The following SCN1A variants were observed in gnomAD, a reference collection of about 807,000 sequenced individuals.
SCN1A encodes sodium voltage-gated channel alpha subunit 1.
In SCN1A, 13 loss-of-function variants were observed where a neutral mutation model predicts 193.7. The observed-to-expected ratio is 0.07, with a 90% CI of 0.04 to 0.11. SCN1A has a LOEUF of 0.11. Among genes scored for constraint, SCN1A ranks in the 10% least tolerant of loss-of-function variants. The pLI is 1.00. For synonymous variants in SCN1A, 781 were observed against 843.6 expected (o/e 0.93, Z 1.29); for missense variants, 1,432 against 2,451.1 (o/e 0.58, Z 8.78).
chr2:166,017,378 C>T (rs751022467), intron 19 of SCN1A, among the ~76,000 whole-genome samples: 2 of 151,974 alleles, frequency 1.3e-5, no homozygotes, highest in Non-Finnish European at 2.9e-5. Context: ...CTTCCTCTGA[C>T]AAACGAAGAG....
intron 2 of SCN1A, among the ~76,000 whole-genome samples, chr2:166,113,385 G>T (rs543256666): frequency 1.1e-4 from 16 of 151,942 alleles, no homozygotes; most frequent in African/African-American, 3.9e-4. Context: ...TTAAATGAAT[G>T]ACTAGTAAAT....
chr2:166,027,742 A>C (rs1009373362), intron 19 of SCN1A, among the ~76,000 whole-genome samples: 17 of 152,076 alleles, frequency 1.1e-4, no homozygotes, highest in African/African-American at 3.4e-4. Flanking sequence ...CTCCTAAGTC[A>C]TGCTAAAATG....
rs1036524256 is a variant in SCN1A at position 166,007,598 on chromosome 2, T to C, written c.4002+2121A>G. On this transcript the variant is annotated intron_variant, in intron 23 of 28. Transcript: ENST00000674923. ...ATGTTTAAAAGCTGTCAGCCAGAAA[T>C]GTGCATAAAACATGCAAAACACAAA... Among the ~76,000 whole-genome samples, 13 of 151,384 alleles carry C rather than the reference T, an allele frequency of 8.6e-5. No homozygotes were observed. The highest frequency in any genetic ancestry group is 1.5e-4 in the Non-Finnish European group (10 of 67,528).
intron 8 of SCN1A, 70 bp from the exon 9 acceptor site, chr2:166,052,058 C>G: frequency 7.0e-7 from 1 of 1,420,692 alleles, no homozygotes; most frequent in Non-Finnish European, 9.7e-7. Flanking sequence ...ACACAATTTT[C>G]TTGAAAACAT....
rs794727415 is a variant in SCN1A at position 165,991,712 on chromosome 2, G to A, written c.5563C>T (p.Pro1855Ser). ...NKLQLIAMDL[P>S]MVSGDRIHCL... Reference sequence around the variant, plus strand: ...TGGATCCGGTCACCACTCACCATGGGCAAATCCATGGCAATGAGCTGGAGT... The same window carrying A: ...TGGATCCGGTCACCACTCACCATGGACAAATCCATGGCAATGAGCTGGAGT... Residue 1855 changes from proline to serine, a missense_variant, in exon 29 of 29, where the codon CCC becomes TCC. By Grantham distance (74) the Pro-to-Ser change is moderately conservative. Around this residue, in one of 18 missense-constraint regions of SCN1A, gnomAD observed 59 missense variants for 110.6 expected, o/e 0.53. Coordinates refer to ENST00000674923, the MANE Select transcript of SCN1A (RefSeq NM_001165963.4). 3.7e-6 allele frequency: 6 copies of A among 1,613,892 alleles called. No individual in the cohort carries two copies. The highest frequency in any genetic ancestry group is 5.1e-6 in the Non-Finnish European group (6 of 1,179,924).
chr2:166,074,606 C>T (rs572303257), intron 3 of SCN1A, among the ~76,000 whole-genome samples: 3 of 152,284 alleles, frequency 2.0e-5, no homozygotes, highest in African/African-American at 4.8e-5. Context: ...TGATGCCAGA[C>T]GCCAAATCCC....
At chr2:166,041,018 G>T (rs1697100186) in intron 16 of SCN1A, among the ~76,000 whole-genome samples, 1 of 152,186 alleles carries the variant, frequency 6.6e-6, no homozygotes, top group Non-Finnish European at 1.5e-5. Flanking sequence ...AAGTAGTGCT[G>T]TAGGCCTATG....
chr2:166,050,637 ATGTG>A (rs1369596988), intron 9 of SCN1A, among the ~76,000 whole-genome samples: 28 of 77,030 alleles, frequency 3.6e-4, no homozygotes, highest in African/African-American at 1.3e-3. Flanking sequence ...ATATATATAT[ATGTG>A]TGTATATATT....
In SCN1A at chr2:166,104,436, T is replaced by C. The variant is rs1197211329; in HGVS notation, c.-142+22488A>G. Reference sequence around the variant, plus strand: ...CTAGAGTGCTACGATATAATAATGATTGTGGTGGTTTAAAAAGTAAATGGG... The same window carrying C: ...CTAGAGTGCTACGATATAATAATGACTGTGGTGGTTTAAAAAGTAAATGGG... On this transcript the variant is annotated intron_variant, in intron 2 of 28. Coordinates refer to ENST00000674923, the MANE Select transcript of SCN1A (RefSeq NM_001165963.4). 2.0e-5 allele frequency: 3 copies of C among 152,080 alleles called. No individual in the cohort carries two copies. In the East Asian group the frequency reaches 5.8e-4, roughly 29 times the overall value. The allele number at this position is 152,080 out of a possible 1,614,324, so 9.4% of individuals were successfully genotyped here.
chr2:166,146,981 A>G (rs1240962765), intron 1 of SCN1A, among the ~76,000 whole-genome samples: 1 of 152,214 alleles, frequency 6.6e-6, no homozygotes, highest in Non-Finnish European at 1.5e-5. Flanking sequence ...CATTTTTATA[A>G]TATTTAACCA....
At chr2:166,045,404 A>G (rs1697704017) in intron 12 of SCN1A, 77 bp from the exon 13 acceptor site, 2 of 1,484,196 alleles carry the variant, frequency 1.3e-6, no homozygotes, top group Admixed American at 3.4e-5. Context: ...AAGTATTTGC[A>G]TGGCTTTTAA....
Position 166,044,032 on chromosome 2 carries a change from A to G in SCN1A, c.1680T>C (p.Arg560=), listed in dbSNP as rs145662732. ...TTCGCCTTGGTGAAAATAGGGAGCC[A>G]CGGATGCTCAACAAAGACTAGAAGT... The part of the protein sequence containing the change: ...SSPHQSLLSI[R]GSLFSPRRNS... Residue 560 remains arginine (R), a synonymous_variant, in exon 14 of 29, where the codon CGT becomes CGC. Transcript: ENST00000674923. 44 of 1,614,076 alleles carry G rather than the reference A, an allele frequency of 2.7e-5. No individual in the cohort carries two copies. In the African/African-American group the frequency reaches 4.7e-4, roughly 17 times the overall value.
intron 4 of SCN1A, among the ~76,000 whole-genome samples, chr2:166,069,340 A>T (rs56104010): frequency 0.075 from 11,391 of 152,236 alleles, 1,132 homozygotes; most frequent in African/African-American, 0.23. Flanking sequence ...TGATGCATAG[A>T]TGCTACTATT....
At chr2:165,999,937 T>C (rs1038125378) in intron 24 of SCN1A, 161 bp from the exon 25 acceptor site, 1 of 669,684 alleles carries the variant, frequency 1.5e-6, no homozygotes, top group African/African-American at 1.8e-5. Flanking sequence ...TATTTTAGTA[T>C]GGCTTTTCAT....
Position 166,073,539 on chromosome 2 carries a change from C to T in SCN1A, c.83G>A (p.Arg28His), listed in dbSNP as rs398123601. Reference protein sequence around the residue: ...TRESLAAIERRIAEEKAKNPK... With the variant: ...TRESLAAIERHIAEEKAKNPK... ...ATTCTTTGCCTTTTCTTCTGCAATGCGTCTTTCAATAGCCGCAAGAGATTC... is the reference window on the plus strand; with the variant it reads ...ATTCTTTGCCTTTTCTTCTGCAATGTGTCTTTCAATAGCCGCAAGAGATTC... The change falls in exon 4 of 29, where the codon CGC (arginine) becomes CAC (histidine). Residue 28 changes from arginine to histidine, a missense_variant. Around this residue, in one of 18 missense-constraint regions of SCN1A, gnomAD observed 55 missense variants for 58.4 expected, o/e 0.94. Coordinates refer to ENST00000674923, the MANE Select transcript of SCN1A (RefSeq NM_001165963.4). The T allele has an allele frequency of 5.6e-6, 9 of 1,614,138 alleles. No homozygotes were observed. Among genetic ancestry groups the T allele is most frequent in the South Asian group, 1.1e-5 (1 of 91,074 alleles).
chr2:166,059,544 T>A lies in SCN1A; in HGVS notation c.265-856A>T, dbSNP rs534432462. The A allele has an allele frequency of 2.0e-5, 3 of 152,274 alleles. No homozygotes were observed. In the South Asian group the frequency reaches 6.2e-4, roughly 32 times the overall value. 9.4% of individuals were successfully genotyped at this position (152,274 alleles called of 1,614,324 possible). On this transcript the variant is annotated intron_variant, in intron 4 of 28. Coordinates refer to ENST00000674923, the MANE Select transcript of SCN1A (RefSeq NM_001165963.4). ...CAACATGTAAGGGTATAAAAAGGGC[T>A]CTGACTCAATGTTTTCCAAGGTGCT...
rs1193447012 is a variant in SCN1A at position 166,008,504 on chromosome 2, A to T, written c.4002+1215T>A. Among the ~76,000 whole-genome samples, 4 of 151,144 alleles carry T rather than the reference A, an allele frequency of 2.6e-5. No individual in the cohort carries two copies. The Admixed American group carries it at 2.7e-4, about 10-fold the overall frequency. On this transcript the variant is annotated intron_variant, in intron 23 of 28. Coordinates refer to ENST00000674923, the MANE Select transcript of SCN1A (RefSeq NM_001165963.4). ...TAATTGGAAAACAGACTTAATTCTT[A>T]TACACCCCAGAGATAATTTCTGTTA... is the stretch of plus-strand genomic sequence containing the variant.
intron 19 of SCN1A, among the ~76,000 whole-genome samples, chr2:166,033,759 AC>A (rs139050148): frequency 0.027 from 4,095 of 152,250 alleles, 211 homozygotes; most frequent in African/African-American, 0.094. Context: ...ATATAAAAAA[AC>A]AATAAGAGTA....
chr2:166,110,832 T>A (rs1689218315), intron 2 of SCN1A, among the ~76,000 whole-genome samples: 3 of 152,180 alleles, frequency 2.0e-5, no homozygotes, highest in Non-Finnish European at 2.9e-5. Flanking sequence ...GGGCAGGTCC[T>A]TCTCATGCTG....
Sources: gnomAD v4.1 joint callset for allele counts (sites outside exome capture counted in the v4.1 genomes callset) on GRCh38, gnomAD v4.1.1 for gene constraint, gnomAD v4.1.1 regional missense constraint, MANE v1.5 for transcripts, NCBI Gene and HGNC (gene_info 2026-07-23, HGNC 2026-07-21) for gene names.